The following TMCO5A variants were observed in gnomAD, a reference collection of about 807,000 sequenced individuals.
TMCO5A encodes transmembrane and coiled-coil domains 5A, also known as transmembrane and coiled-coil domain-containing protein 5A.
In TMCO5A, 34 loss-of-function variants were observed where a neutral mutation model predicts 42.3. The observed-to-expected ratio is 0.80, with a 90% CI of 0.61 to 1.07. TMCO5A has a LOEUF of 1.07. Among genes scored for constraint, TMCO5A ranks in the 50% least tolerant of loss-of-function variants. The pLI, the probability that TMCO5A is intolerant of heterozygous loss-of-function variation, is 0.00. For missense variants in TMCO5A, 357 were observed against 327.9 expected (o/e 1.09, Z -0.69); for synonymous variants, 131 against 115.6 (o/e 1.13, Z -0.86).
At chr15:37,954,068 A>G (rs568729802), downstream of TMCO5A, among the ~76,000 whole-genome samples, 1 of 152,248 alleles carries the variant, frequency 6.6e-6, no homozygotes, top group East Asian at 1.9e-4. Flanking sequence ...TACAGGATCT[A>G]GAAAGTAACC....
intron 3 of TMCO5A, 92 bp downstream of exon 3, chr15:37,936,555 A>C: frequency 6.9e-7 from 1 of 1,457,080 alleles, no homozygotes. Context: ...TGTTCTAGAG[A>C]CTTCTACCTT....
At chr15:38,017,296 T>A in the TMCO5A span, among the ~76,000 whole-genome samples, 1 of 151,564 alleles carries the variant, frequency 6.6e-6, no homozygotes, top group Non-Finnish European at 1.5e-5. Flanking sequence ...GATGGAGGAG[T>A]GCATAGTTTG....
the TMCO5A span, chr15:37,984,826 C>G: frequency 6.6e-6 from 1 of 151,672 alleles, no homozygotes; most frequent in Non-Finnish European, 1.5e-5. Flanking sequence ...ACTTCCCACC[C>G]TTCAGAACTG....
chr15:37,990,427 T>C, the TMCO5A span, among the ~76,000 whole-genome samples: 1 of 152,236 alleles, frequency 6.6e-6, no homozygotes, highest in South Asian at 2.1e-4. Context: ...GTATAGCCAC[T>C]CCCACTCTCT....
the TMCO5A span, among the ~76,000 whole-genome samples, chr15:38,020,002 T>A: frequency 3.3e-5 from 5 of 151,222 alleles, no homozygotes; most frequent in African/African-American, 9.7e-5. Context: ...TTAAAAAAAT[T>A]TTTTTTTAGA....
downstream of TMCO5A, among the ~76,000 whole-genome samples, chr15:37,970,394 A>G (rs1041155685): frequency 6.6e-6 from 1 of 152,192 alleles, no homozygotes; most frequent in Admixed American, 6.6e-5. Flanking sequence ...TGCCCCCATG[A>G]TTCAACTATC....
At chr15:38,036,483 G>GTC in the TMCO5A span, among the ~76,000 whole-genome samples, 20 of 142,072 alleles carry the variant, frequency 1.4e-4, no homozygotes, top group Admixed American at 7.6e-4. Flanking sequence ...CTCTGTTTTT[G>GTC]TCTCTCTCTC....
At chr15:37,943,064 C>A in intron 9 of TMCO5A, 1 of 310,094 alleles carries the variant, frequency 3.2e-6, no homozygotes, top group Non-Finnish European at 6.0e-6. Context: ...TATGGCTTAA[C>A]TGTTAAGCCA....
chr15:37,935,171 A>G (rs1409683997), intron 1 of TMCO5A, 86 bp from the exon 2 acceptor site: 2 of 152,092 alleles, frequency 1.3e-5, no homozygotes, highest in Non-Finnish European at 2.9e-5. Flanking sequence ...TTTGATTTCT[A>G]CTTTTTGGGA....
chr15:37,994,044 G>C, the TMCO5A span, among the ~76,000 whole-genome samples: 1 of 152,158 alleles, frequency 6.6e-6, no homozygotes, highest in Non-Finnish European at 1.5e-5. Flanking sequence ...ACTTAATCTA[G>C]TTTTATAAAA....
downstream of TMCO5A, among the ~76,000 whole-genome samples, chr15:37,955,426 C>A (rs1890262827): frequency 6.6e-6 from 1 of 151,424 alleles, no homozygotes. Flanking sequence ...TAAAGATGAA[C>A]CACAGGGGTT....
rs182704778 is a variant in TMCO5A, at chr15:37,944,931, C to T, written c.627+1533C>T. ...TGTGCAGGTTTGTTACATAGGTAAA[C>T]GTGTGCCATGGTGGTTTGCTGCACA... On this transcript the variant is annotated intron_variant, in intron 10 of 11. Coordinates refer to ENST00000319669, the MANE Select transcript of TMCO5A (RefSeq NM_152453.4). Among the ~76,000 whole-genome samples the T allele has an allele frequency of 1.1e-4, 17 of 152,010 alleles. No individual in the cohort carries two copies. The East Asian group carries it at 2.5e-3, about 23-fold the overall frequency.
the TMCO5A span, among the ~76,000 whole-genome samples, chr15:37,974,429 T>A: frequency 6.6e-6 from 1 of 152,230 alleles, no homozygotes; most frequent in African/African-American, 2.4e-5. Context: ...TGATTCAATT[T>A]CAGAACTCAT....
At chr15:37,995,464 T>G in the TMCO5A span, among the ~76,000 whole-genome samples, 1 of 152,254 alleles carries the variant, frequency 6.6e-6, no homozygotes, top group East Asian at 1.9e-4. Context: ...CCTCTTTCCC[T>G]CTGATGTAGC....
chr15:37,951,759 C>A (rs1890164694), downstream of TMCO5A, among the ~76,000 whole-genome samples: 1 of 152,072 alleles, frequency 6.6e-6, no homozygotes, highest in South Asian at 2.1e-4. Flanking sequence ...ACCAATTTAA[C>A]AACTATCTAA....
the TMCO5A span, among the ~76,000 whole-genome samples, chr15:37,999,376 A>G: frequency 1.3e-5 from 2 of 152,096 alleles, no homozygotes; most frequent in African/African-American, 4.8e-5. Flanking sequence ...TTGTATGTTG[A>G]TTTTGCAGTC....
the TMCO5A span, among the ~76,000 whole-genome samples, chr15:38,006,027 C>T: frequency 3.1e-3 from 477 of 152,224 alleles, 2 homozygotes; most frequent in African/African-American, 0.011. Context: ...GTGATCTGTA[C>T]CCAGTCTTAA....
At position 37,947,578 on chromosome 15, in the gene TMCO5A, A is replaced by T. The variant is rs114078251; in HGVS notation, c.628-78A>T. The T allele has an allele frequency of 3.8e-3, 3,453 of 916,302 alleles. 97 individuals are homozygous for T. In the African/African-American group the frequency reaches 0.049, roughly 13 times the overall value. 56.8% of individuals were successfully genotyped at this position (916,302 alleles called of 1,614,324 possible). A position where few individuals can be genotyped will look rare whatever the true frequency, so the allele number is the denominator to read the frequency against. On this transcript the variant is annotated intron_variant, in intron 10 of 11. Coordinates refer to ENST00000319669, the MANE Select transcript of TMCO5A (RefSeq NM_152453.4). ...AAGTTATCTAAATAACATATAACTAATGGCTCACTAAATATTATTGGATGA... is the reference window on the plus strand; with the variant it reads ...AAGTTATCTAAATAACATATAACTATTGGCTCACTAAATATTATTGGATGA...
chr15:37,961,193 A>G (rs1566923693), intron 11 of TMCO5A, among the ~76,000 whole-genome samples: 2 of 152,104 alleles, frequency 1.3e-5, no homozygotes, highest in African/African-American at 4.8e-5. Context: ...TTAAGTCCTT[A>G]ATCCATCTCG....
Sources: gnomAD v4.1 joint callset for allele counts (sites outside exome capture counted in the v4.1 genomes callset) on GRCh38, gnomAD v4.1.1 for gene constraint, MANE v1.5 for transcripts, NCBI Gene and HGNC (gene_info 2026-07-23, HGNC 2026-07-21) for gene names.